The following PTPRR variants were observed in gnomAD, a reference collection of about 807,000 sequenced individuals.
PTPRR encodes protein tyrosine phosphatase receptor type R, also known as receptor-type tyrosine-protein phosphatase R.
Under a neutral mutation model 77.2 loss-of-function variants are expected in PTPRR, and 38 were observed. The observed-to-expected ratio is 0.49, with a 90% CI of 0.38 to 0.65. The LOEUF is 0.65. Among genes scored for constraint, PTPRR ranks in the 30% least tolerant of loss-of-function variants. PTPRR has a pLI of 0.00. For missense variants in PTPRR, 744 were observed against 799.2 expected (o/e 0.93, Z 0.83); for synonymous variants, 299 against 283.1 (o/e 1.06, Z -0.57).
chr12:70,788,850 C>G (rs1316863417), intron 2 of PTPRR: 3 of 1,524,646 alleles, frequency 2.0e-6, no homozygotes, highest in African/African-American at 1.4e-5. Context: ...GTGATGAAGT[C>G]GACTTCCATT....
chr12:70,876,398 G>A (rs908300715), intron 2 of PTPRR, among the ~76,000 whole-genome samples: 62 of 152,120 alleles, frequency 4.1e-4, no homozygotes, highest in African/African-American at 1.5e-3. Flanking sequence ...AAATGAAATA[G>A]ATGTACATTG....
chr12:70,875,432 A>G (rs1893034668), intron 2 of PTPRR, among the ~76,000 whole-genome samples: 1 of 152,192 alleles, frequency 6.6e-6, no homozygotes, highest in Non-Finnish European at 1.5e-5. Flanking sequence ...GAGGTTCAAT[A>G]GAAGACAATG....
rs1009921350 is a variant in PTPRR, at chr12:70,874,967, G to A, written c.357+17712C>T. On this transcript the variant is annotated intron_variant, in intron 2 of 13. Transcript: ENST00000283228. ...ATAGCAACCTCACGTTTGGGAATCT[G>A]TTCCACAGAAATAAAAGCACTAGCA... Among the ~76,000 whole-genome samples, 6 of 149,214 alleles carry A rather than the reference G, an allele frequency of 4.0e-5. No homozygotes were observed. In the South Asian group the frequency reaches 1.3e-3, roughly 32 times the overall value.
intron 11 of PTPRR, among the ~76,000 whole-genome samples, chr12:70,661,607 C>T (rs573687234): frequency 1.3e-5 from 2 of 152,308 alleles, no homozygotes; most frequent in African/African-American, 4.8e-5. Context: ...CATGAGATCC[C>T]TCTATTGGAA....
rs116540554 is a variant in PTPRR, at chr12:70,686,091, C to T, written c.1280-1308G>A. ...TTCTTAAAAAACAGCAAATTCAATG[C>T]TTTTCAGCTTCCTTTCTCAGTGGAG... On this transcript the variant is annotated intron_variant, in intron 8 of 13. Transcript: ENST00000283228. Among the ~76,000 whole-genome samples, 732 of 152,274 alleles carry T rather than the reference C, an allele frequency of 4.8e-3. 4 individuals carry two copies. The highest frequency in any genetic ancestry group is 0.017 in the African/African-American group (707 of 41,556).
intron 10 of PTPRR, among the ~76,000 whole-genome samples, chr12:70,670,886 C>T (rs1887198390): frequency 6.6e-6 from 1 of 152,104 alleles, no homozygotes; most frequent in African/African-American, 2.4e-5. Flanking sequence ...TCTTTAATTG[C>T]AACTTAACTG....
At position 70,662,609 on chromosome 12, in the gene PTPRR, G is replaced by A; in HGVS notation, c.1498-4C>T. ...CCGGCCAGTATAGCACACATTTCTG[G>A]AGGAAGGGAAAGAGAATACAGCAAA... On this transcript the variant is annotated splice_region_variant and splice_polypyrimidine_tract_variant and intron_variant, in intron 10 of 13. Transcript: ENST00000283228. The A allele has an allele frequency of 6.4e-7, 1 of 1,569,094 alleles. No homozygotes were observed. Among genetic ancestry groups the A allele is most frequent in the Non-Finnish European group, 8.7e-7 (1 of 1,143,240 alleles).
At chr12:70,908,413 A>G (rs1373809515) in intron 1 of PTPRR, among the ~76,000 whole-genome samples, 1 of 152,140 alleles carries the variant, frequency 6.6e-6, no homozygotes, top group Non-Finnish European at 1.5e-5. Flanking sequence ...GCCTCAGAAA[A>G]CTTACAATCG....
chr12:70,827,104 C>A (rs75860572), intron 2 of PTPRR, among the ~76,000 whole-genome samples: 62 of 152,346 alleles, frequency 4.1e-4, no homozygotes, highest in African/African-American at 1.4e-3. Flanking sequence ...TCCCCAGATA[C>A]TTTCTTGGGC....
intron 2 of PTPRR, among the ~76,000 whole-genome samples, chr12:70,819,751 C>A (rs192983499): frequency 2.0e-5 from 3 of 152,090 alleles, no homozygotes; most frequent in African/African-American, 7.2e-5. Flanking sequence ...GGAGGATGGC[C>A]GAGAATACAC....
chr12:70,650,438 A>G (rs1384234792), intron 13 of PTPRR, among the ~76,000 whole-genome samples: 2 of 143,162 alleles, frequency 1.4e-5, no homozygotes, highest in Non-Finnish European at 3.0e-5. Flanking sequence ...AAAAAAACAA[A>G]CAAAACAAAA....
intron 4 of PTPRR, among the ~76,000 whole-genome samples, chr12:70,760,235 CT>C (rs1291838363): frequency 1.3e-5 from 2 of 152,156 alleles, no homozygotes; most frequent in Non-Finnish European, 2.9e-5. Context: ...GAAACTAAGG[CT>C]CAGGGAGGTT....
intron 1 of PTPRR, among the ~76,000 whole-genome samples, chr12:70,897,267 T>C (rs1466628549): frequency 6.6e-6 from 1 of 151,870 alleles, no homozygotes; most frequent in African/African-American, 2.4e-5. Flanking sequence ...GACAAAGGGC[T>C]AATATCCAGA....
chr12:70,691,996 C>T (rs79569876), intron 8 of PTPRR, among the ~76,000 whole-genome samples: 5,234 of 152,268 alleles, frequency 0.034, 130 homozygotes, highest in Non-Finnish European at 0.05. Context: ...ACCTGTAAAT[C>T]ATTACCTCTA....
chr12:70,865,467 G>A (rs144918688), intron 2 of PTPRR, among the ~76,000 whole-genome samples: 18 of 152,200 alleles, frequency 1.2e-4, no homozygotes, highest in African/African-American at 3.9e-4. Context: ...CCAGTGAAAC[G>A]GAAGGGATAC....
intron 2 of PTPRR, among the ~76,000 whole-genome samples, chr12:70,799,222 G>A (rs1891570394): frequency 6.6e-6 from 1 of 152,110 alleles, no homozygotes; most frequent in Non-Finnish European, 1.5e-5. Context: ...ATAAGTCTAT[G>A]TCTATGTGTG....
At chr12:70,857,135 T>C (rs750625516) in intron 2 of PTPRR, among the ~76,000 whole-genome samples, 17 of 152,092 alleles carry the variant, frequency 1.1e-4, no homozygotes, top group Non-Finnish European at 2.4e-4. Flanking sequence ...CATCAGTAAA[T>C]ACATATTTGA....
chr12:70,766,489 AG>A (rs1411755770), intron 2 of PTPRR, among the ~76,000 whole-genome samples: 1 of 152,168 alleles, frequency 6.6e-6, no homozygotes, highest in African/African-American at 2.4e-5. Flanking sequence ...AAGTGAACAA[AG>A]CCTCCAAGAA....
chr12:70,819,270 G>A (rs1364397923), intron 2 of PTPRR, among the ~76,000 whole-genome samples: 3 of 152,268 alleles, frequency 2.0e-5, no homozygotes, highest in African/African-American at 7.2e-5. Context: ...GCACCACTGC[G>A]CTCCAGCCTG....
Sources: gnomAD v4.1 joint callset for allele counts (sites outside exome capture counted in the v4.1 genomes callset) on GRCh38, gnomAD v4.1.1 for gene constraint, MANE v1.5 for transcripts, NCBI Gene and HGNC (gene_info 2026-07-23, HGNC 2026-07-21) for gene names.